USP8: variants seen among roughly 807,000 people sequenced by gnomAD.
The protein encoded by USP8 is ubiquitin specific peptidase 8.
Under a neutral mutation model 130.0 loss-of-function variants are expected in USP8, and 27 were observed. That is an observed-to-expected ratio of 0.21 (90% confidence interval 0.15 to 0.29). The LOEUF (loss-of-function observed/expected upper bound fraction) is 0.29. Among genes scored for constraint, USP8 ranks in the 10% least tolerant of loss-of-function variants. The pLI, the probability that USP8 is intolerant of heterozygous loss-of-function variation, is 1.00. For missense variants in USP8, 1,029 were observed against 1,312.2 expected, an observed-to-expected ratio of 0.78 and a Z score of 3.33; for synonymous variants, 392 against 444.1, an observed-to-expected ratio of 0.88 and a Z score of 1.48.
chr15:50,461,449 C>G (rs1279375226), intron 5 of USP8, among the ~76,000 whole-genome samples: 1 of 108,940 alleles, frequency 9.2e-6, no homozygotes, highest in Non-Finnish European at 1.9e-5. Context: ...GAGTGAGACC[C>G]TATCTCCAAA....
chr15:50,497,196 G>C lies in USP8; in HGVS notation c.3003G>C (p.Trp1001Cys). 1 of 1,611,210 alleles carries C rather than the reference G, an allele frequency of 6.2e-7. No individual in the cohort carries two copies. Residue 1001 changes from tryptophan (W) to cysteine (C), a missense_variant, in exon 18 of 20, where the codon TGG becomes TGC. This residue lies in a region of USP8 where 257 missense variants were observed against 429.8 expected (regional missense o/e 0.60). Transcript: ENST00000307179. Reference protein sequence around the residue: ...RRDSLKKIEIWKLPPVLLVHL... With the variant: ...RRDSLKKIEICKLPPVLLVHL... Reference sequence around the variant, plus strand: ...ATTCTCTAAAAAAGATAGAAATCTGGAAGTTACCACCTGTGCTTTTAGTGC... The same window carrying C: ...ATTCTCTAAAAAAGATAGAAATCTGCAAGTTACCACCTGTGCTTTTAGTGC...
chr15:50,453,385 C>A (rs1365599993), intron 4 of USP8, among the ~76,000 whole-genome samples: 1 of 152,116 alleles, frequency 6.6e-6, no homozygotes, highest in Non-Finnish European at 1.5e-5. Context: ...TTCTAATTTC[C>A]CTTTCTTCCT....
rs1371774928 is a variant in USP8, at chr15:50,492,903, G to A, written c.2437G>A (p.Asp813Asn). ...DYFNRNCYQD[D>N]INRSNLLGHK... is the part of the protein sequence containing the mutation. ...TTTCAACCGAAACTGTTATCAGGATGATATTAACAGGTAAATACATGTCAT... is the reference window on the plus strand; with the variant it reads ...TTTCAACCGAAACTGTTATCAGGATAATATTAACAGGTAAATACATGTCAT... The change falls in exon 15 of 20, where the codon GAT becomes AAT. Residue 813 changes from aspartate to asparagine, a missense_variant. This residue lies in a region of USP8 where 257 missense variants were observed against 429.8 expected (regional missense o/e 0.60). Coordinates refer to ENST00000307179, the MANE Select transcript of USP8 (RefSeq NM_005154.5). 6.2e-7 allele frequency: 1 copy of A among 1,613,636 alleles called. No homozygotes were observed. The highest frequency in any genetic ancestry group is 1.7e-5 in the Admixed American group (1 of 60,016).
intron 8 of USP8, among the ~76,000 whole-genome samples, chr15:50,472,046 G>A (rs570640526): frequency 3.3e-5 from 5 of 151,774 alleles, no homozygotes; most frequent in Admixed American, 6.6e-5. Context: ...GACTGCAGGC[G>A]TGAGCCACCA....
At chr15:50,459,414 AC>A (rs2050908042) in intron 5 of USP8, among the ~76,000 whole-genome samples, 1 of 151,966 alleles carries the variant, frequency 6.6e-6, no homozygotes, top group African/African-American at 2.4e-5. Context: ...CGAAACCCCG[AC>A]TCTACTAAAA....
chr15:50,427,144 G>A (rs915114320), intron 1 of USP8, among the ~76,000 whole-genome samples: 18 of 151,998 alleles, frequency 1.2e-4, no homozygotes, highest in Admixed American at 1.0e-3. Context: ...TCACCATGTT[G>A]GCCAGGATGA....
chr15:50,497,184 G>C lies in USP8; in HGVS notation c.2991G>C (p.Lys997Asn). The C allele has an allele frequency of 6.2e-7, 1 of 1,611,052 alleles. No individual in the cohort carries two copies. Residue 997 changes from lysine (K) to asparagine (N), a missense_variant, in exon 18 of 20, where the codon AAG becomes AAC. Lys to Asn is a moderately conservative substitution (Grantham distance 94, BLOSUM62 0). This residue lies in a region of USP8 where 257 missense variants were observed against 429.8 expected (regional missense o/e 0.60). Coordinates refer to ENST00000307179, the MANE Select transcript of USP8 (RefSeq NM_005154.5). ...GAGCTCGACGGGATTCTCTAAAAAA[G>C]ATAGAAATCTGGAAGTTACCACCTG... ...HCRARRDSLK[K>N]IEIWKLPPVL...
In USP8 at chr15:50,505,562, A is replaced by G. The variant is rs1324137720; in HGVS notation, c.*6474A>G. ...TCAATGAAGGAAGAAGTGATACATA[A>G]TAGACAGTGATTAACAAAAAAGACT... is the stretch of plus-strand genomic sequence containing the variant. On this transcript the variant is annotated 3_prime_UTR_variant, in exon 20 of 20. Transcript: ENST00000307179. The G allele has an allele frequency of 6.6e-6, 1 of 152,232 alleles. No homozygotes were observed. The highest frequency in any genetic ancestry group is 1.9e-4 in the East Asian group (1 of 5,204). 9.4% of individuals were successfully genotyped at this position (152,232 alleles called of 1,614,324 possible). A position where few individuals can be genotyped will look rare whatever the true frequency, so the allele number is the denominator to read the frequency against.
At chr15:50,483,565 C>T (rs1377843393) in intron 11 of USP8, among the ~76,000 whole-genome samples, 1 of 152,214 alleles carries the variant, frequency 6.6e-6, no homozygotes, top group African/African-American at 2.4e-5. Flanking sequence ...GAGGCCTAGA[C>T]GAGCGGATCA....
chr15:50,445,696 G>A (rs183504656), intron 3 of USP8, among the ~76,000 whole-genome samples: 2 of 149,868 alleles, frequency 1.3e-5, no homozygotes, highest in African/African-American at 2.4e-5. Context: ...CTAAAAATAC[G>A]TAAAAAAAAA....
intron 1 of USP8, among the ~76,000 whole-genome samples, chr15:50,436,067 G>A (rs533439083): frequency 1.3e-5 from 2 of 151,680 alleles, no homozygotes; most frequent in South Asian, 2.1e-4. Flanking sequence ...GTCACTTACC[G>A]CCTAACTTTA....
Position 50,489,835 on chromosome 15 carries a change from A to C in USP8, c.1925A>C (p.Glu642Ala), listed in dbSNP as rs2141316371. 5.1e-6 allele frequency: 8 copies of C among 1,574,478 alleles called. No homozygotes were observed. Among genetic ancestry groups the C allele is most frequent in the Non-Finnish European group, 6.9e-6 (8 of 1,160,382 alleles). ...GAACCTTTGACAAGAGCACGAAGTG[A>C]AGAAATGGGGAGGATCGTACCAGGA... ...QREPLTRARS[E>A]EMGRIVPGLP... Residue 642 changes from glutamate to alanine, a missense_variant, in exon 13 of 20, where the codon GAA (glutamate) becomes GCA (alanine). By Grantham distance (107) the Glu-to-Ala change is moderately radical. Coordinates refer to ENST00000307179, the MANE Select transcript of USP8 (RefSeq NM_005154.5).
chr15:50,476,961 C>G lies in USP8; in HGVS notation c.962C>G (p.Pro321Arg), dbSNP rs776663696. Residue 321 changes from proline to arginine, a missense_variant, in exon 9 of 20, where the codon CCA becomes CGA. Pro to Arg is a moderately radical substitution (Grantham distance 103, BLOSUM62 -2). Transcript: ENST00000307179. Reference sequence around the variant, plus strand: ...ACAAATGCTAAGGTCACTCCACCCCCACGACGCCAGAATGAAGAGGTGTCT... The same window carrying G: ...ACAAATGCTAAGGTCACTCCACCCCGACGACGCCAGAATGAAGAGGTGTCT... ...YTTNAKVTPP[P>R]RRQNEEVSIS... 2.5e-6 allele frequency: 4 copies of G among 1,607,270 alleles called. No individual in the cohort carries two copies. The highest frequency in any genetic ancestry group is 3.5e-5 in the Admixed American group (2 of 57,376).
Position 50,511,963 on chromosome 15 carries a change from A to C in USP8, c.*12875A>C, listed in dbSNP as rs1033342221. ...CAGTGAGCTGAGATTGCACCATTGC[A>C]CTCCAGCCTGAGCAAGAGTGAGATA... On this transcript the variant is annotated 3_prime_UTR_variant, in exon 20 of 20. Transcript: ENST00000307179. 4 of 152,260 alleles carry C rather than the reference A, an allele frequency of 2.6e-5. No homozygotes were observed. Among genetic ancestry groups the C allele is most frequent in the Admixed American group, 2.6e-4 (4 of 15,280 alleles). 9.4% of individuals were successfully genotyped at this position (152,260 alleles called of 1,614,324 possible). A position where few individuals can be genotyped will look rare whatever the true frequency, so the allele number is the denominator to read the frequency against.
rs1156793198 is a variant in USP8, at chr15:50,500,782, A to T, written c.*1694A>T. On this transcript the variant is annotated 3_prime_UTR_variant, in exon 20 of 20. Transcript: ENST00000307179. ...ATCAAAGCTATATCAGGCCTGGGTG[A>T]CTGAATTCTTGCAGAAAGCAGTGTA... The T allele has an allele frequency of 6.3e-7, 1 of 1,589,660 alleles. No individual in the cohort carries two copies. Among genetic ancestry groups the T allele is most frequent in the African/African-American group, 1.3e-5 (1 of 74,718 alleles).
chr15:50,486,234 G>T (rs2051956355), intron 12 of USP8, among the ~76,000 whole-genome samples: 2 of 152,146 alleles, frequency 1.3e-5, no homozygotes, highest in African/African-American at 4.8e-5. Context: ...TGTAATTCCA[G>T]CACTTTGGGA....
chr15:50,509,354 G>T lies in USP8; in HGVS notation c.*10266G>T, dbSNP rs939531058. ...TTGGACGTCAATAGTAAGATTTAGA[G>T]AATAAGAGACAAGGCGGCCGGGCGC... On this transcript the variant is annotated 3_prime_UTR_variant, in exon 20 of 20. Transcript: ENST00000307179. The T allele has an allele frequency of 2.0e-5, 3 of 149,494 alleles. No homozygotes were observed. Among genetic ancestry groups the T allele is most frequent in the East Asian group, 4.1e-4 (2 of 4,926 alleles). 9.3% of individuals were successfully genotyped at this position (149,494 alleles called of 1,614,324 possible).
At chr15:50,477,125 T>G in intron 9 of USP8, 132 bp downstream of exon 9, 1 of 1,367,346 alleles carries the variant, frequency 7.3e-7, no homozygotes. Flanking sequence ...CATAAAAATA[T>G]AAGCCTGGAA....
chr15:50,480,016 C>T (rs1222371702), intron 10 of USP8, among the ~76,000 whole-genome samples: 2 of 152,154 alleles, frequency 1.3e-5, no homozygotes, highest in East Asian at 3.8e-4. Context: ...CCGGCTCGGC[C>T]TCCCAAAGTG....
Sources: allele counts gnomAD v4.1 joint callset (sites outside exome capture counted in the v4.1 genomes callset), GRCh38; gene constraint gnomAD v4.1.1; regional missense constraint gnomAD v4.1.1; transcripts MANE v1.5; gene names NCBI Gene and HGNC (gene_info 2026-07-23, HGNC 2026-07-21).